CHID1: variants seen among roughly 807,000 people sequenced by gnomAD.
The protein encoded by CHID1 is chitinase domain containing 1.
In CHID1, 44 loss-of-function variants were observed where a neutral mutation model predicts 55.4. That is an observed-to-expected ratio of 0.79 (90% CI 0.62 to 1.02). The LOEUF (loss-of-function observed/expected upper bound fraction) is 1.02, where lower values mean the gene tolerates loss of function less well. Ranked by LOEUF, CHID1 falls within the 50% of genes least tolerant of loss-of-function variation. CHID1 has a pLI of 0.00. For synonymous variants in CHID1, 216 were observed against 212.9 expected (o/e 1.01, Z -0.13); for missense variants, 491 against 515.3 (o/e 0.95, Z 0.46).
At chr11:904,651 TGA>T in intron 2 of CHID1, 53 bp downstream of exon 2, 1 of 1,600,630 alleles carries the variant, frequency 6.2e-7, no homozygotes, top group Non-Finnish European at 8.6e-7. Flanking sequence ...AAGAAGAGGA[TGA>T]TGGATCAGCC....
At chr11:879,929 G>A (rs560226155) in intron 10 of CHID1, among the ~76,000 whole-genome samples, 1 of 152,366 alleles carries the variant, frequency 6.6e-6, no homozygotes, top group South Asian at 2.1e-4. Context: ...TGGGGGACAT[G>A]AGCTGTGCTT....
chr11:907,586 A>C (rs1852337696), intron 1 of CHID1, among the ~76,000 whole-genome samples: 1 of 152,134 alleles, frequency 6.6e-6, no homozygotes, highest in African/African-American at 2.4e-5. Flanking sequence ...TTAGTCCTTC[A>C]TGAAGCTTTG....
rs867150585 is a variant in CHID1, at chr11:893,465, C to A, written c.663G>T (p.Leu221=). 11 of 1,551,966 alleles carry A rather than the reference C, an allele frequency of 7.1e-6. No homozygotes were observed. The highest frequency in any genetic ancestry group is 1.9e-4 in the Middle Eastern group (1 of 5,280). ...HLAEALHQAR[L]LALLVIPPAI... ...CAGGCGGGATGACCAGGAGGGCCAG[C>A]AGCCGGGCCTGGTGCAGAGCCTCGG... The change falls in exon 8 of 13, where the codon CTG becomes CTT. Residue 221 remains leucine, a synonymous_variant. Transcript: ENST00000323578.
intron 2 of CHID1, among the ~76,000 whole-genome samples, chr11:903,420 C>A (rs1851972242): frequency 6.6e-6 from 1 of 152,218 alleles, no homozygotes; most frequent in African/African-American, 2.4e-5. Context: ...GGTGGACGGT[C>A]TGCACCAGCT....
chr11:888,268 G>A (rs535060251), intron 8 of CHID1, among the ~76,000 whole-genome samples: 22 of 152,342 alleles, frequency 1.4e-4, no homozygotes, highest in African/African-American at 4.8e-4. Context: ...AGCAGCTCAC[G>A]GTGGTGATCA....
intron 8 of CHID1, among the ~76,000 whole-genome samples, chr11:889,954 CCTGT>C (rs1254013482): frequency 1.3e-5 from 2 of 152,142 alleles, no homozygotes; most frequent in African/African-American, 4.8e-5. Context: ...TCGCCTGGCC[CCTGT>C]CTGCTGCTGC....
chr11:914,098 T>A (rs1852831699), upstream of CHID1, among the ~76,000 whole-genome samples: 1 of 152,034 alleles, frequency 6.6e-6, no homozygotes, highest in African/African-American at 2.4e-5. Flanking sequence ...TGTAAAGTCT[T>A]CTAGGCTTAA....
chr11:870,191 T>C (rs762991237), intron 11 of CHID1, 28 bp from the exon 12 acceptor site: 6 of 1,612,934 alleles, frequency 3.7e-6, no homozygotes, highest in Admixed American at 1.7e-5. Flanking sequence ...TGTCAGCCCA[T>C]CCGCTCTGCT....
chr11:888,318 G>T (rs1032906762), intron 8 of CHID1, among the ~76,000 whole-genome samples: 1 of 152,226 alleles, frequency 6.6e-6, no homozygotes, highest in African/African-American at 2.4e-5. Context: ...TGTGCCCCCG[G>T]TCCTGCCAAC....
chr11:911,329 C>T (rs1852675398), upstream of CHID1: 1 of 152,290 alleles, frequency 6.6e-6, no homozygotes, highest in East Asian at 1.9e-4. Flanking sequence ...GAAACGCGCG[C>T]TCTCTCGGTC....
chr11:886,985 C>G (rs553982134), intron 8 of CHID1, among the ~76,000 whole-genome samples: 1 of 152,332 alleles, frequency 6.6e-6, no homozygotes, highest in African/African-American at 2.4e-5. Flanking sequence ...GGTTCAGAGT[C>G]CAGGTCTCCT....
chr11:889,299 T>C (rs1850632224), intron 8 of CHID1, among the ~76,000 whole-genome samples: 1 of 150,524 alleles, frequency 6.6e-6, no homozygotes, highest in Non-Finnish European at 1.5e-5. Context: ...CCCACCCACC[T>C]TGGTCCTGAC....
At chr11:869,977 G>T in intron 12 of CHID1, 21 bp from the exon 13 acceptor site, 1 of 1,609,666 alleles carries the variant, frequency 6.2e-7, no homozygotes. Context: ...ATGGAGGTGT[G>T]AGCACCTGCT....
intron 8 of CHID1, among the ~76,000 whole-genome samples, chr11:889,278 T>A: frequency 6.6e-6 from 1 of 151,966 alleles, no homozygotes. Flanking sequence ...GCGAACTCCC[T>A]GAAACCCCCA....
chr11:895,452 C>T (rs564300041), intron 7 of CHID1, among the ~76,000 whole-genome samples: 13 of 152,272 alleles, frequency 8.5e-5, no homozygotes, highest in South Asian at 2.1e-4. Context: ...CCGGAGGCGA[C>T]GTGAGCTGCA....
At chr11:870,375 C>G (rs1272231590) in intron 11 of CHID1, 44 bp downstream of exon 11, 1 of 1,529,454 alleles carries the variant, frequency 6.5e-7, no homozygotes, top group Non-Finnish European at 9.0e-7. Context: ...GGGCCCCTCC[C>G]TGCACACAAG....
At chr11:909,411 G>A (rs534698799) in intron 1 of CHID1, among the ~76,000 whole-genome samples, 3 of 152,328 alleles carry the variant, frequency 2.0e-5, no homozygotes, top group African/African-American at 7.2e-5. Flanking sequence ...CCCAGAAACC[G>A]CTCTGTAACA....
chr11:904,827 T>C lies in CHID1; in HGVS notation c.-11A>G, dbSNP rs1240613497. On this transcript the variant is annotated 5_prime_UTR_variant, in exon 2 of 13. An upstream open reading frame in the 5' UTR loses its in-frame stop. Coordinates refer to ENST00000323578, the MANE Select transcript of CHID1 (RefSeq NM_023947.4). ...GAAGAGTGTCCGCATGGTAGGTGTG[T>C]CACAGTAGGGTCCAACCTCGGGGTC... The C allele has an allele frequency of 1.9e-6, 3 of 1,613,562 alleles. No individual in the cohort carries two copies. The highest frequency in any genetic ancestry group is 2.5e-6 in the Non-Finnish European group (3 of 1,179,954).
At chr11:871,547 CACAG>C (rs1849176866) in intron 10 of CHID1, among the ~76,000 whole-genome samples, 1 of 138,794 alleles carries the variant, frequency 7.2e-6, no homozygotes, top group African/African-American at 2.7e-5. Context: ...TTCTGGTCTC[CACAG>C]ACAGGAGTCT....
Sources: allele counts gnomAD v4.1 joint callset (sites outside exome capture counted in the v4.1 genomes callset), GRCh38; gene constraint gnomAD v4.1.1; transcripts MANE v1.5; gene names NCBI Gene and HGNC (gene_info 2026-07-23, HGNC 2026-07-21).